The following CD1B variants were observed in gnomAD, a reference collection of about 807,000 sequenced individuals.
CD1B encodes the protein T-cell surface glycoprotein CD1b.
Under a neutral mutation model 39.8 loss-of-function variants are expected in CD1B, and 43 were observed. The observed-to-expected ratio is 1.08, with a 90% CI of 0.85 to 1.39. The LOEUF (loss-of-function observed/expected upper bound fraction) is 1.39, where lower values mean the gene tolerates loss of function less well. Among genes scored for constraint, CD1B ranks in the 40% most tolerant of loss-of-function variants. CD1B has a pLI of 0.00. For synonymous variants in CD1B, 192 were observed against 152.5 expected, an observed-to-expected ratio of 1.26 and a Z score of -1.91; for missense variants, 495 against 403.8, an observed-to-expected ratio of 1.23 and a Z score of -1.94.
At chr1:158,325,588 T>C (rs1652323116), downstream of CD1B, among the ~76,000 whole-genome samples, 1 of 152,162 alleles carries the variant, frequency 6.6e-6, no homozygotes, top group Non-Finnish European at 1.5e-5. Flanking sequence ...TATTAGTTTA[T>C]TAGTTTTTAC....
chr1:158,307,368 C>T, the CD1B span, among the ~76,000 whole-genome samples: 108 of 152,174 alleles, frequency 7.1e-4, no homozygotes, highest in African/African-American at 2.5e-3. Context: ...CGTACACCCC[C>T]CCAAGACTAA....
chr1:158,296,818 AG>A, the CD1B span, among the ~76,000 whole-genome samples: 2 of 152,236 alleles, frequency 1.3e-5, no homozygotes, highest in African/African-American at 4.8e-5. Flanking sequence ...GAAGTATTAA[AG>A]GCAGAATAGA....
At chr1:158,304,948 A>T in the CD1B span, among the ~76,000 whole-genome samples, 1 of 152,212 alleles carries the variant, frequency 6.6e-6, no homozygotes, top group Non-Finnish European at 1.5e-5. Context: ...TGTCACCATC[A>T]TCAAAGACCA....
At chr1:158,328,405 T>C in intron 5 of CD1B, 148 bp from the exon 6 acceptor site, 1 of 557,366 alleles carries the variant, frequency 1.8e-6, no homozygotes, top group Non-Finnish European at 3.2e-6. Context: ...GTTATACGCA[T>C]ATGGTGGAAT....
chr1:158,309,780 A>G, the CD1B span, among the ~76,000 whole-genome samples: 2 of 145,054 alleles, frequency 1.4e-5, no homozygotes, highest in South Asian at 4.8e-4. Context: ...GAATTGAACA[A>G]TGAGAACACA....
chr1:158,322,797 C>G, the CD1B span, among the ~76,000 whole-genome samples: 1 of 152,142 alleles, frequency 6.6e-6, no homozygotes, highest in Non-Finnish European at 1.5e-5. Flanking sequence ...CATTCTTTTT[C>G]TTTCAGCATT....
the CD1B span, among the ~76,000 whole-genome samples, chr1:158,290,830 T>C: frequency 6.6e-6 from 1 of 152,180 alleles, no homozygotes; most frequent in Admixed American, 6.5e-5. Flanking sequence ...ACAATGCAGA[T>C]AGTATGAACA....
At chr1:158,318,111 G>C in the CD1B span, among the ~76,000 whole-genome samples, 1 of 152,126 alleles carries the variant, frequency 6.6e-6, no homozygotes, top group Admixed American at 6.5e-5. Flanking sequence ...AATAGGTGTG[G>C]TGTGGTGCTG....
chr1:158,290,017 G>A, the CD1B span: 2 of 1,566,116 alleles, frequency 1.3e-6, no homozygotes, highest in Non-Finnish European at 1.8e-6. Flanking sequence ...GCTAAGAACA[G>A]AGATCAGCAA....
chr1:158,298,293 G>T, the CD1B span, among the ~76,000 whole-genome samples: 9 of 152,054 alleles, frequency 5.9e-5, no homozygotes, highest in African/African-American at 2.2e-4. Context: ...ATACAATAAT[G>T]GTGGTAGACT....
At chr1:158,316,208 C>T in the CD1B span, among the ~76,000 whole-genome samples, 2 of 151,930 alleles carry the variant, frequency 1.3e-5, no homozygotes, top group Non-Finnish European at 2.9e-5. Context: ...GCATTGGTAG[C>T]TTGATGGGGA....
chr1:158,287,114 C>A, the CD1B span, among the ~76,000 whole-genome samples: 3 of 152,288 alleles, frequency 2.0e-5, no homozygotes, highest in African/African-American at 7.2e-5. Flanking sequence ...TAACACAAGG[C>A]AATCAGCTGG....
the CD1B span, among the ~76,000 whole-genome samples, chr1:158,319,375 T>C: frequency 0.014 from 2,082 of 152,302 alleles, 91 homozygotes; most frequent in Admixed American, 0.092. Flanking sequence ...TTTTATTCTT[T>C]TTTCTCTAAA....
the CD1B span, among the ~76,000 whole-genome samples, chr1:158,285,658 C>A: frequency 6.6e-6 from 1 of 152,126 alleles, no homozygotes; most frequent in Non-Finnish European, 1.5e-5. Context: ...TGAAATGGAA[C>A]TAGAAAATAT....
At chr1:158,294,271 C>T in the CD1B span, among the ~76,000 whole-genome samples, 5 of 152,190 alleles carry the variant, frequency 3.3e-5, no homozygotes, top group African/African-American at 9.7e-5. Flanking sequence ...GACAAATTTC[C>T]TAAAGGACTG....
chr1:158,296,047 T>C, the CD1B span, among the ~76,000 whole-genome samples: 1 of 152,108 alleles, frequency 6.6e-6, no homozygotes, highest in Non-Finnish European at 1.5e-5. Context: ...TCTACCCTGC[T>C]GCCCCACCAC....
chr1:158,287,483 T>G, the CD1B span, among the ~76,000 whole-genome samples: 7 of 152,298 alleles, frequency 4.6e-5, no homozygotes, highest in South Asian at 2.1e-4. Context: ...GAGTTAGGGA[T>G]TCAACATGTG....
chr1:158,287,914 A>C, the CD1B span, among the ~76,000 whole-genome samples: 1 of 152,202 alleles, frequency 6.6e-6, no homozygotes, highest in Non-Finnish European at 1.5e-5. Context: ...TAAGATGATC[A>C]GATGTGATAT....
downstream of CD1B, among the ~76,000 whole-genome samples, chr1:158,325,661 A>G (rs1030726211): frequency 2.0e-5 from 3 of 151,216 alleles, no homozygotes; most frequent in African/African-American, 7.4e-5. Flanking sequence ...ACACACACAC[A>G]CACGCACACA....
Sources: gnomAD v4.1 joint callset for allele counts (sites outside exome capture counted in the v4.1 genomes callset) on GRCh38, gnomAD v4.1.1 for gene constraint, MANE v1.5 for transcripts, NCBI Gene and HGNC (gene_info 2026-07-23, HGNC 2026-07-21) for gene names.